NF1: variants seen among roughly 807,000 people sequenced by gnomAD.
NF1 encodes neurofibromin.
Under a neutral mutation model 325.7 loss-of-function variants are expected in NF1, and 122 were observed. That is an observed-to-expected ratio of 0.37 (90% confidence interval 0.32 to 0.44). The LOEUF (loss-of-function observed/expected upper bound fraction) is 0.44. NF1 is among the 20% of genes least tolerant of loss of function. NF1 has a pLI of 1.00. For missense variants in NF1, 2,140 were observed against 3,415.4 expected (o/e 0.63, Z 9.31); for synonymous variants, 1,091 against 1,186.0 (o/e 0.92, Z 1.65).
At chr17:31,145,909 G>A (rs1419597381) in intron 1 of NF1, among the ~76,000 whole-genome samples, 1 of 152,150 alleles carries the variant, frequency 6.6e-6, no homozygotes, top group Admixed American at 6.5e-5. Context: ...TGTTGAGTTT[G>A]AAGTGCCTAC....
intron 1 of NF1, among the ~76,000 whole-genome samples, chr17:31,107,147 C>T (rs752801054): frequency 8.6e-5 from 13 of 151,916 alleles, no homozygotes; most frequent in Non-Finnish European, 1.6e-4. Flanking sequence ...TTATCGGTGC[C>T]TTCTATTCCT....
intron 36 of NF1, chr17:31,296,632 C>G (rs2068472262): frequency 5.3e-6 from 2 of 376,136 alleles, no homozygotes; most frequent in East Asian, 5.6e-5. Flanking sequence ...ATTTATCTTT[C>G]TAGAGCCTTA....
chr17:31,133,440 C>T (rs529698934), intron 1 of NF1: 1 of 152,290 alleles, frequency 6.6e-6, no homozygotes, highest in Non-Finnish European at 1.5e-5. Context: ...CTGCCATGAA[C>T]ATGGGTGTGC....
intron 19 of NF1, 109 bp downstream of exon 19, chr17:31,227,400 C>T (rs1179785623): frequency 1.9e-5 from 27 of 1,416,184 alleles, no homozygotes; most frequent in East Asian, 9.1e-5. Flanking sequence ...ATCCAAGATA[C>T]GTGCATATTA....
At chr17:31,197,114 G>C (rs1365661047) in intron 8 of NF1, among the ~76,000 whole-genome samples, 2 of 151,318 alleles carry the variant, frequency 1.3e-5, no homozygotes, top group African/African-American at 4.9e-5. Context: ...GCGCGATCTC[G>C]GCTCACTACA....
chr17:31,261,459 C>T (rs2067684636), intron 34 of NF1, among the ~76,000 whole-genome samples: 1 of 152,002 alleles, frequency 6.6e-6, no homozygotes, highest in Non-Finnish European at 1.5e-5. Flanking sequence ...AAATGATTAG[C>T]ACATTCACGG....
chr17:31,203,022 A>C (rs1265465792), intron 11 of NF1, among the ~76,000 whole-genome samples: 1 of 152,216 alleles, frequency 6.6e-6, no homozygotes, highest in African/African-American at 2.4e-5. Context: ...TATACAATAA[A>C]CCCAAATATA....
chr17:31,341,353 A>G (rs1186048801), intron 47 of NF1, among the ~76,000 whole-genome samples: 2 of 151,958 alleles, frequency 1.3e-5, no homozygotes. Flanking sequence ...GCAAAACCCC[A>G]TCTCTACAAA....
intron 36 of NF1, among the ~76,000 whole-genome samples, chr17:31,280,661 T>C (rs898469941): frequency 9.2e-5 from 14 of 152,080 alleles, no homozygotes; most frequent in African/African-American, 3.4e-4. Context: ...AACAATTTCC[T>C]AATTGGAGTA....
At chr17:31,110,329 A>C (rs565241188) in intron 1 of NF1, among the ~76,000 whole-genome samples, 2 of 152,348 alleles carry the variant, frequency 1.3e-5, no homozygotes, top group African/African-American at 4.8e-5. Context: ...AGATCTTTAT[A>C]GGTGAGCAGA....
At chr17:31,173,226 C>G (rs201114067) in intron 5 of NF1, among the ~76,000 whole-genome samples, 3 of 152,000 alleles carry the variant, frequency 2.0e-5, no homozygotes, top group Non-Finnish European at 4.4e-5. Flanking sequence ...CTGGCTAACA[C>G]GGTGAAACAC....
chr17:31,236,269 GACTGTT>G (rs1252570537), intron 29 of NF1, among the ~76,000 whole-genome samples: 1 of 152,026 alleles, frequency 6.6e-6, no homozygotes, highest in Non-Finnish European at 1.5e-5. Flanking sequence ...CACCTCCAGA[GACTGTT>G]ACTAGTTAAG....
chr17:31,318,246 A>G, intron 36 of NF1: 1 of 1,536,276 alleles, frequency 6.5e-7, no homozygotes, highest in African/African-American at 1.4e-5. Context: ...ATTAAATACC[A>G]ACTGACTTCA....
chr17:31,319,000 A>C, intron 36 of NF1: 1 of 1,604,742 alleles, frequency 6.2e-7, no homozygotes, highest in African/African-American at 1.3e-5. Context: ...TGTGTGTTCC[A>C]TGTCCGTGGG....
chr17:31,115,694 C>G (rs1913838593), intron 1 of NF1, among the ~76,000 whole-genome samples: 2 of 152,154 alleles, frequency 1.3e-5, no homozygotes, highest in African/African-American at 4.8e-5. Flanking sequence ...CCTGCATAAC[C>G]CTTTTTCTGT....
At chr17:31,107,306 G>A (rs1912944426) in intron 1 of NF1, among the ~76,000 whole-genome samples, 2 of 152,104 alleles carry the variant, frequency 1.3e-5, no homozygotes, top group African/African-American at 4.8e-5. Context: ...TCTGGAGTAG[G>A]GAATGACAGT....
At chr17:31,108,492 T>A (rs1738912450) in intron 1 of NF1, among the ~76,000 whole-genome samples, 1 of 152,026 alleles carries the variant, frequency 6.6e-6, no homozygotes, top group South Asian at 2.1e-4. Flanking sequence ...TGCAGGTTGG[T>A]CTCGAACTCC....
At chr17:31,314,795 T>G (rs2068978376) in intron 36 of NF1, among the ~76,000 whole-genome samples, 1 of 152,220 alleles carries the variant, frequency 6.6e-6, no homozygotes, top group Admixed American at 6.5e-5. Flanking sequence ...TTGTACAGTT[T>G]TCCTTTCTGT....
chr17:31,154,732 C>CTTTTTTTTTTTTTTTTT (rs71142026), intron 1 of NF1, among the ~76,000 whole-genome samples: 1 of 103,394 alleles, frequency 9.7e-6, no homozygotes. Context: ...TTAGTATTTC[C>CTTTTTTTTTTTTTTTTT]TTTTTTTTTT....
Sources: allele counts gnomAD v4.1 joint callset (sites outside exome capture counted in the v4.1 genomes callset), GRCh38; gene constraint gnomAD v4.1.1; transcripts MANE v1.5; gene names NCBI Gene and HGNC (gene_info 2026-07-23, HGNC 2026-07-21).